The following OSMR variants were observed in gnomAD, a reference collection of about 807,000 sequenced individuals.
The protein encoded by OSMR is oncostatin M receptor.
A neutral mutation model predicts 99.9 loss-of-function variants in OSMR; 81 were observed. The ratio of observed to expected loss-of-function variants is 0.81; its 90% CI spans 0.68 to 0.97. The LOEUF is 0.97. Ranked by LOEUF, OSMR falls within the 50% of genes least tolerant of loss-of-function variation. OSMR has a pLI of 0.00. For missense variants in OSMR, 1,099 were observed against 1,153.4 expected (o/e 0.95, Z 0.68); for synonymous variants, 406 against 410.4 (o/e 0.99, Z 0.13).
At chr5:38,910,054 GA>G (rs1745476636) in intron 9 of OSMR, among the ~76,000 whole-genome samples, 1 of 151,938 alleles carries the variant, frequency 6.6e-6, no homozygotes, top group Admixed American at 6.5e-5. Flanking sequence ...AAACAAAACA[GA>G]AAAAAGCAGG....
downstream of OSMR, chr5:38,938,205 C>T (rs1036589914): frequency 4.5e-6 from 1 of 223,036 alleles, no homozygotes; most frequent in Admixed American, 5.8e-5. Context: ...CCTACAAACA[C>T]CAGAACCTCC....
intron 1 of OSMR, among the ~76,000 whole-genome samples, chr5:38,848,164 T>TA (rs373779575): frequency 1.2e-3 from 181 of 152,338 alleles, no homozygotes; most frequent in African/African-American, 4.1e-3. Context: ...AAGAGAATCT[T>TA]AGTGAGTGTG....
At position 38,886,051 on chromosome 5, in the gene OSMR, A is replaced by G. The variant is rs376222912; in HGVS notation, c.852A>G (p.Glu284=). The G allele has an allele frequency of 2.5e-6, 4 of 1,613,320 alleles. No homozygotes were observed. In the African/African-American group the frequency reaches 4.0e-5, roughly 16 times the overall value. Residue 284 remains glutamate, a synonymous_variant, in exon 7 of 18, where the codon GAA becomes GAG. Coordinates refer to ENST00000274276, the MANE Select transcript of OSMR (RefSeq NM_003999.3). ...SYTLFESFSG[E]KKLCTHKNWC... ...TTTGTTTTTAAAGATTTTCTGGGGA[A>G]AAGAAACTTTGTACACACAAAAACT...
At chr5:38,846,596 C>T (rs1739840215) in intron 1 of OSMR, among the ~76,000 whole-genome samples, 2 of 152,326 alleles carry the variant, frequency 1.3e-5, no homozygotes, top group South Asian at 2.1e-4. Context: ...CCTCTCCTCT[C>T]GTAACCCTTG....
At chr5:38,862,688 C>T (rs565573678) in intron 1 of OSMR, among the ~76,000 whole-genome samples, 9 of 148,780 alleles carry the variant, frequency 6.0e-5, no homozygotes, top group Non-Finnish European at 8.9e-5. Flanking sequence ...GATGGGCTGC[C>T]GGGCAGAGAC....
At chr5:38,881,488 GA>G in intron 3 of OSMR, 104 bp from the exon 4 acceptor site, 1 of 1,605,238 alleles carries the variant, frequency 6.2e-7, no homozygotes, top group South Asian at 1.1e-5. Context: ...ACATATCGTG[GA>G]CCTGCAATGG....
intron 9 of OSMR, among the ~76,000 whole-genome samples, chr5:38,907,227 A>C (rs1457988767): frequency 7.9e-5 from 12 of 152,108 alleles, no homozygotes; most frequent in Non-Finnish European, 8.8e-5. Flanking sequence ...AAGCACCCAC[A>C]CTCGTTCTTG....
intron 8 of OSMR, 147 bp from the exon 9 acceptor site, chr5:38,904,206 G>T: frequency 6.6e-7 from 1 of 1,525,456 alleles, no homozygotes; most frequent in Non-Finnish European, 8.8e-7. Flanking sequence ...GGGCCTTGAA[G>T]ATTTTTTTCC....
chr5:38,890,447 CT>C (rs1744078040), intron 7 of OSMR, among the ~76,000 whole-genome samples: 1 of 152,108 alleles, frequency 6.6e-6, no homozygotes, highest in Non-Finnish European at 1.5e-5. Flanking sequence ...TAGTTCTTTT[CT>C]TTTTAGATTT....
intron 9 of OSMR, among the ~76,000 whole-genome samples, chr5:38,909,897 C>T (rs935648543): frequency 1.3e-5 from 2 of 152,136 alleles, no homozygotes; most frequent in Non-Finnish European, 2.9e-5. Context: ...TGAATGCGCA[C>T]AGGTTACATG....
In OSMR at chr5:38,883,795, G is replaced by C. The variant is rs763780387; in HGVS notation, c.419-32G>C. On this transcript the variant is annotated intron_variant, in intron 4 of 17. Coordinates refer to ENST00000274276, the MANE Select transcript of OSMR (RefSeq NM_003999.3). ...TTTAAGAGGCTTGAATTTTGAGTGC[G>C]ATTCTAACTTGGCTATTTTTTTTTC... 3 of 1,611,682 alleles carry C rather than the reference G, an allele frequency of 1.9e-6. No homozygotes were observed. The East Asian group carries it at 6.7e-5, about 36-fold the overall frequency.
At chr5:38,886,823 GT>G (rs1743810996) in intron 7 of OSMR, among the ~76,000 whole-genome samples, 1 of 152,116 alleles carries the variant, frequency 6.6e-6, no homozygotes, top group African/African-American at 2.4e-5. Flanking sequence ...CATGTGTCTA[GT>G]ACACATCTAC....
chr5:38,877,843 T>A (rs985106), intron 3 of OSMR, among the ~76,000 whole-genome samples: 19,267 of 152,204 alleles, frequency 0.13, 2,800 homozygotes, highest in East Asian at 0.48. Context: ...TGGATTTTTT[T>A]ATTTATTTTC....
chr5:38,925,455 T>A, intron 15 of OSMR, 84 bp downstream of exon 15: 1 of 1,247,658 alleles, frequency 8.0e-7, no homozygotes, highest in Non-Finnish European at 1.2e-6. Context: ...AGGCTTTGTC[T>A]AGATCAGGAA....
At chr5:38,906,184 A>T (rs1241190046) in intron 9 of OSMR, among the ~76,000 whole-genome samples, 1 of 151,362 alleles carries the variant, frequency 6.6e-6, no homozygotes, top group Non-Finnish European at 1.5e-5. Context: ...TTTTTTTTGA[A>T]AATTTATTCC....
chr5:38,905,343 G>T (rs892018622), intron 9 of OSMR, among the ~76,000 whole-genome samples: 7 of 152,190 alleles, frequency 4.6e-5, no homozygotes, highest in African/African-American at 1.4e-4. Context: ...ATAAAAATTA[G>T]CCAGGCGTGG....
Position 38,881,762 on chromosome 5 carries a change from G to T in OSMR, c.416G>T (p.Ser139Ile), listed in dbSNP as rs1397691598. 1.2e-5 allele frequency: 19 copies of T among 1,613,222 alleles called. No homozygotes were observed. Among genetic ancestry groups the T allele is most frequent in the Non-Finnish European group, 1.6e-5 (19 of 1,179,126 alleles). Reference protein sequence around the residue: ...WSNWSSWEEVSVQDSTGQDIL... With the variant: ...WSNWSSWEEVIVQDSTGQDIL... ...AACTGGAGTTCCTGGGAGGAAGTCA[G>T]TGGTAAGAAGTGAGGTGGTTACAAG... Residue 139 changes from serine (S) to isoleucine (I), a missense_variant and splice_region_variant, in exon 4 of 18, where the codon AGT becomes ATT. Coordinates refer to ENST00000274276, the MANE Select transcript of OSMR (RefSeq NM_003999.3).
chr5:38,945,503 A>G (rs767169815), downstream of OSMR: 2 of 1,609,654 alleles, frequency 1.2e-6, no homozygotes, highest in Non-Finnish European at 1.7e-6. Context: ...GAATGACTAC[A>G]TATTGCACTC....
chr5:38,938,986 A>T, downstream of OSMR: 1 of 233,134 alleles, frequency 4.3e-6, no homozygotes, highest in Non-Finnish European at 8.5e-6. Flanking sequence ...CTAAAGGAGA[A>T]AAAACCTTAC....
Sources: gnomAD v4.1 joint callset for allele counts (sites outside exome capture counted in the v4.1 genomes callset) on GRCh38, gnomAD v4.1.1 for gene constraint, MANE v1.5 for transcripts, NCBI Gene and HGNC (gene_info 2026-07-23, HGNC 2026-07-21) for gene names.